BRAF: variants seen among roughly 807,000 people sequenced by gnomAD.
The protein encoded by BRAF is serine/threonine-protein kinase B-raf.
In BRAF, 16 loss-of-function variants were observed where a neutral mutation model predicts 104.6. That is an observed-to-expected ratio of 0.15 (90% CI 0.10 to 0.23). BRAF has a LOEUF of 0.23. Among genes scored for constraint, BRAF ranks in the 10% least tolerant of loss-of-function variants. The probability of loss-of-function intolerance (pLI) is 1.00; values close to 1 mark genes in which losing one functional copy is unlikely to be tolerated. For missense variants in BRAF, 541 were observed against 937.3 expected (o/e 0.58, Z 5.52); for synonymous variants, 310 against 341.6 (o/e 0.91, Z 1.02).
At chr7:140,739,360 A>G (rs1254345193) in intron 18 of BRAF, among the ~76,000 whole-genome samples, 2 of 152,192 alleles carry the variant, frequency 1.3e-5, no homozygotes, top group African/African-American at 2.4e-5. Context: ...AAGTAAAACA[A>G]TACAACTCCT....
At chr7:140,839,584 G>A (rs1807712561) in intron 2 of BRAF, among the ~76,000 whole-genome samples, 1 of 152,010 alleles carries the variant, frequency 6.6e-6, no homozygotes, top group Admixed American at 6.6e-5. Flanking sequence ...ATGAAACTTG[G>A]CTGGGCATGG....
chr7:140,836,105 TTTG>T (rs1404724234), intron 2 of BRAF: 1 of 152,040 alleles, frequency 6.6e-6, no homozygotes, highest in Non-Finnish European at 1.5e-5. Context: ...TAACAAAGAG[TTTG>T]TTTTTTCTGT....
intron 6 of BRAF, chr7:140,801,073 C>G: frequency 4.2e-6 from 1 of 240,398 alleles, no homozygotes; most frequent in Non-Finnish European, 8.0e-6. Flanking sequence ...AATCAGACTA[C>G]CTGATCTGTG....
intron 19 of BRAF, chr7:140,734,046 A>T: frequency 9.6e-7 from 1 of 1,040,104 alleles, no homozygotes; most frequent in Non-Finnish European, 1.2e-6. Flanking sequence ...TGCTTCAAGG[A>T]AATAAAAGAC....
At chr7:140,897,330 A>G (rs371891164) in intron 1 of BRAF, among the ~76,000 whole-genome samples, 8 of 152,254 alleles carry the variant, frequency 5.3e-5, no homozygotes, top group East Asian at 1.9e-4. Flanking sequence ...GACTGTGCAC[A>G]TATGTACAAA....
intron 18 of BRAF, among the ~76,000 whole-genome samples, chr7:140,739,344 C>CA (rs35559750): frequency 6.6e-6 from 1 of 151,518 alleles, no homozygotes; most frequent in Non-Finnish European, 1.5e-5. Flanking sequence ...AAGGGATTTG[C>CA]AAAAAAAGTA....
intron 14 of BRAF, among the ~76,000 whole-genome samples, chr7:140,764,913 A>G (rs1799151799): frequency 6.6e-6 from 1 of 152,234 alleles, no homozygotes; most frequent in South Asian, 2.1e-4. Context: ...CCATCAAGCT[A>G]CCAATGACTT....
intron 1 of BRAF, among the ~76,000 whole-genome samples, chr7:140,863,331 G>A (rs1488911414): frequency 2.6e-5 from 4 of 152,158 alleles, no homozygotes; most frequent in African/African-American, 4.8e-5. Context: ...GAAAGTTAAA[G>A]ATAGTGACTG....
chr7:140,805,686 GAGA>G (rs1263750167), intron 5 of BRAF, among the ~76,000 whole-genome samples: 1 of 152,132 alleles, frequency 6.6e-6, no homozygotes. Flanking sequence ...GCAGAAAAAG[GAGA>G]AGGTTTGGAT....
Position 140,720,716 on chromosome 7 carries a change from TTTG to T in BRAF, c.*5775_*5777del, listed in dbSNP as rs1795279409. 1.9e-6 allele frequency: 2 copies of T among 1,065,816 alleles called. No individual in the cohort carries two copies. The highest frequency in any genetic ancestry group is 1.1e-4 in the Admixed American group (2 of 18,750). 66.0% of individuals were successfully genotyped at this position (1,065,816 alleles called of 1,614,324 possible). The stretch of plus-strand genomic sequence containing the variant: ...CTACATCTGTGCCTACTCTGTGAGC[TTTG>T]TTGTTTATGCTAGTTTGCAGTGACT... On this transcript the variant is annotated 3_prime_UTR_variant, in exon 20 of 20. Transcript: ENST00000644969.
chr7:140,765,780 C>G (rs548758649), intron 14 of BRAF, among the ~76,000 whole-genome samples: 1 of 152,034 alleles, frequency 6.6e-6, no homozygotes, highest in East Asian at 1.9e-4. Context: ...GAATGGCAAT[C>G]ATTAAAAAGT....
At chr7:140,784,604 T>C (rs1030243443) in intron 10 of BRAF, among the ~76,000 whole-genome samples, 2 of 152,018 alleles carry the variant, frequency 1.3e-5, no homozygotes, top group Non-Finnish European at 2.9e-5. Flanking sequence ...TCAGTAAATA[T>C]AAATCTTTAA....
Position 140,724,713 on chromosome 7 carries a change from TAAC to T in BRAF, c.*1778_*1780del. 1 of 1,032,752 alleles carries T rather than the reference TAAC, an allele frequency of 9.7e-7. No individual in the cohort carries two copies. The highest frequency in any genetic ancestry group is 4.6e-4 in the Middle Eastern group (1 of 2,196). The allele number at this position is 1,032,752 out of a possible 1,614,324, so 64.0% of individuals were successfully genotyped here. A position where few individuals can be genotyped will look rare whatever the true frequency, so the allele number is the denominator to read the frequency against. On this transcript the variant is annotated 3_prime_UTR_variant, in exon 20 of 20. Coordinates refer to ENST00000644969, the MANE Select transcript of BRAF (RefSeq NM_001374258.1). ...GGAGTTACAATCTGAAATTTTTAAATAACAATTTCTAATTCCTTGATTTATTCT... is the reference window on the plus strand; with the variant it reads ...GGAGTTACAATCTGAAATTTTTAAATAATTTCTAATTCCTTGATTTATTCT...
At chr7:140,849,067 T>C (rs1352550601) in intron 2 of BRAF, among the ~76,000 whole-genome samples, 2 of 152,248 alleles carry the variant, frequency 1.3e-5, no homozygotes, top group Non-Finnish European at 2.9e-5. Context: ...ATTTCTAATT[T>C]AGAGTTCTCC....
intron 11 of BRAF, among the ~76,000 whole-genome samples, chr7:140,781,918 A>G (rs1423699917): frequency 6.6e-6 from 1 of 152,150 alleles, no homozygotes; most frequent in East Asian, 1.9e-4. Flanking sequence ...TTTATTTTTT[A>G]TTTTATTATA....
At chr7:140,855,879 G>C (rs965740314) in intron 1 of BRAF, among the ~76,000 whole-genome samples, 1 of 151,258 alleles carries the variant, frequency 6.6e-6, no homozygotes, top group African/African-American at 2.4e-5. Flanking sequence ...AATTAGCTAG[G>C]TGTGGGTGCG....
intron 1 of BRAF, among the ~76,000 whole-genome samples, chr7:140,855,554 CA>C (rs35564909): frequency 0.31 from 45,323 of 145,502 alleles, 10,854 homozygotes; most frequent in African/African-American, 0.67. Context: ...AGCTATGGCA[CA>C]AAAAAAAAAC....
downstream of BRAF, among the ~76,000 whole-genome samples, chr7:140,717,113 AC>A (rs1795146889): frequency 1.3e-5 from 2 of 152,194 alleles, no homozygotes; most frequent in African/African-American, 4.8e-5. Flanking sequence ...TGGAGTCAAT[AC>A]CCATTTCTAT....
At chr7:140,835,149 TA>T (rs1002175902) in intron 2 of BRAF, 9 of 373,888 alleles carry the variant, frequency 2.4e-5, no homozygotes, top group African/African-American at 4.1e-5. Context: ...AAAAGCACAG[TA>T]TTTCCAATTT....
Sources: allele counts gnomAD v4.1 joint callset (sites outside exome capture counted in the v4.1 genomes callset), GRCh38; gene constraint gnomAD v4.1.1; transcripts MANE v1.5; gene names NCBI Gene and HGNC (gene_info 2026-07-23, HGNC 2026-07-21).